CDKAL1: variants seen among roughly 807,000 people sequenced by gnomAD.
CDKAL1 encodes the protein CDKAL1 threonylcarbamoyladenosine tRNA methylthiotransferase.
Under a neutral mutation model 68.2 loss-of-function variants are expected in CDKAL1, and 32 were observed. The ratio of observed to expected loss-of-function variants is 0.47; its 90% confidence interval spans 0.35 to 0.63. CDKAL1 has a LOEUF of 0.63. Ranked by LOEUF, CDKAL1 falls within the 30% of genes least tolerant of loss-of-function variation. The pLI is 0.00. For missense variants in CDKAL1, 606 were observed against 696.7 expected, an observed-to-expected ratio of 0.87 and a Z score of 1.47; for synonymous variants, 234 against 244.3, an observed-to-expected ratio of 0.96 and a Z score of 0.39.
At chr6:20,821,905 A>G (rs1487794237) in intron 8 of CDKAL1, among the ~76,000 whole-genome samples, 9 of 152,208 alleles carry the variant, frequency 5.9e-5, no homozygotes, top group African/African-American at 2.4e-5. Flanking sequence ...TTACTCTTTC[A>G]TGGGAAAATA....
chr6:21,200,930 G>A (rs1051116139), intron 14 of CDKAL1, 180 bp from the exon 15 acceptor site: 5 of 477,976 alleles, frequency 1.0e-5, no homozygotes, highest in South Asian at 8.6e-5. Flanking sequence ...TATCAATTTG[G>A]GTTCATTAAT....
chr6:20,891,334 T>C (rs1002406779), intron 9 of CDKAL1, among the ~76,000 whole-genome samples: 5 of 152,172 alleles, frequency 3.3e-5, no homozygotes, highest in African/African-American at 7.2e-5. Context: ...GCTTGAGCTC[T>C]GACGTGATCA....
rs181424618 is a variant in CDKAL1 at position 21,155,166 on chromosome 6, G to A, written c.1300-42855G>A. On this transcript the variant is annotated intron_variant, in intron 13 of 15. Coordinates refer to ENST00000274695, the MANE Select transcript of CDKAL1 (RefSeq NM_017774.3). ...TCAGTTGTAAAAAATTTTATAATTCGATTCCTCAAAATCCTTTAGAAAACA... is the reference window on the plus strand; with the variant it reads ...TCAGTTGTAAAAAATTTTATAATTCAATTCCTCAAAATCCTTTAGAAAACA... 3.4e-3 allele frequency among the ~76,000 whole-genome samples: 524 copies of A among 152,124 alleles called. 1 individual carries two copies. Among genetic ancestry groups the A allele is most frequent in the Non-Finnish European group, 5.1e-3 (346 of 67,988 alleles).
chr6:20,707,235 G>T (rs1771641750), intron 5 of CDKAL1, among the ~76,000 whole-genome samples: 1 of 152,166 alleles, frequency 6.6e-6, no homozygotes, highest in Non-Finnish European at 1.5e-5. Context: ...CTGGCAAGTG[G>T]TCCCAGTGTT....
intron 9 of CDKAL1, among the ~76,000 whole-genome samples, chr6:20,863,527 CT>C (rs1460147789): frequency 4.6e-5 from 7 of 152,154 alleles, no homozygotes; most frequent in African/African-American, 1.7e-4. Context: ...AAAATGGAAA[CT>C]TCATCTTTTG....
chr6:20,536,658 A>G (rs761541643), intron 2 of CDKAL1, among the ~76,000 whole-genome samples: 13 of 152,306 alleles, frequency 8.5e-5, no homozygotes, highest in Admixed American at 2.6e-4. Context: ...GGTTTTACTC[A>G]AAATATCTGA....
At chr6:20,891,388 C>T (rs1317865942) in intron 9 of CDKAL1, among the ~76,000 whole-genome samples, 1 of 152,154 alleles carries the variant, frequency 6.6e-6, no homozygotes, top group East Asian at 1.9e-4. Context: ...CCTGTCCTTA[C>T]TGTGAGTTAA....
chr6:20,897,701 A>G (rs560210929), intron 9 of CDKAL1, among the ~76,000 whole-genome samples: 1 of 152,272 alleles, frequency 6.6e-6, no homozygotes, highest in African/African-American at 2.4e-5. Context: ...AAAAGACTGA[A>G]TTGAGATAAA....
intron 9 of CDKAL1, among the ~76,000 whole-genome samples, chr6:20,876,731 A>T (rs1478301377): frequency 6.6e-6 from 1 of 152,096 alleles, no homozygotes; most frequent in Non-Finnish European, 1.5e-5. Flanking sequence ...ATCATTAAAC[A>T]TTTTGTTTTC....
chr6:20,831,867 G>C (rs887408221), intron 8 of CDKAL1, among the ~76,000 whole-genome samples: 1 of 152,046 alleles, frequency 6.6e-6, no homozygotes, highest in Non-Finnish European at 1.5e-5. Context: ...TAGAATGGTC[G>C]ACGTTGAGTT....
At chr6:21,222,147 A>C (rs1202113323) in intron 15 of CDKAL1, among the ~76,000 whole-genome samples, 2 of 152,220 alleles carry the variant, frequency 1.3e-5, no homozygotes, top group African/African-American at 4.8e-5. Context: ...CTCTGCTGTC[A>C]CCAAAATAAG....
At chr6:21,051,486 C>T (rs1228517619) in intron 11 of CDKAL1, among the ~76,000 whole-genome samples, 1 of 152,126 alleles carries the variant, frequency 6.6e-6, no homozygotes, top group African/African-American at 2.4e-5. Flanking sequence ...AAGGACTACC[C>T]TGGGTAGTGA....
chr6:20,784,117 G>A (rs928518563), intron 8 of CDKAL1, among the ~76,000 whole-genome samples: 1 of 151,728 alleles, frequency 6.6e-6, no homozygotes, highest in African/African-American at 2.4e-5. Context: ...GGAAGCTGAG[G>A]CAGGGGAATC....
At chr6:20,604,746 T>C (rs1315597878) in intron 4 of CDKAL1, among the ~76,000 whole-genome samples, 1 of 152,202 alleles carries the variant, frequency 6.6e-6, no homozygotes, top group Non-Finnish European at 1.5e-5. Flanking sequence ...CATGAAAGGA[T>C]GGGGTTCTGT....
At chr6:21,170,477 C>T (rs1222830766) in intron 13 of CDKAL1, among the ~76,000 whole-genome samples, 2 of 151,902 alleles carry the variant, frequency 1.3e-5, no homozygotes, top group African/African-American at 4.8e-5. Context: ...TTACAGGTGC[C>T]TGCTACTGTG....
intron 12 of CDKAL1, among the ~76,000 whole-genome samples, chr6:21,093,156 C>A (rs1421423476): frequency 6.6e-6 from 1 of 152,100 alleles, no homozygotes; most frequent in Non-Finnish European, 1.5e-5. Context: ...GAAATGTAGA[C>A]CCATGCCAAG....
chr6:21,095,578 C>G (rs1348315694), intron 12 of CDKAL1, among the ~76,000 whole-genome samples: 1 of 150,818 alleles, frequency 6.6e-6, no homozygotes, highest in East Asian at 1.9e-4. Flanking sequence ...CCCAACCCCC[C>G]TCCTACCCCT....
At chr6:21,098,123 G>A (rs1052996257) in intron 12 of CDKAL1, among the ~76,000 whole-genome samples, 3 of 152,160 alleles carry the variant, frequency 2.0e-5, no homozygotes, top group Admixed American at 6.5e-5. Context: ...TAAATGTGTC[G>A]AATGAATATG....
intron 13 of CDKAL1, among the ~76,000 whole-genome samples, chr6:21,161,374 A>T (rs992818636): frequency 8.5e-5 from 13 of 152,320 alleles, no homozygotes; most frequent in African/African-American, 2.2e-4. Context: ...AAAATTATTT[A>T]TGCTATAGAA....
Sources: allele counts gnomAD v4.1 joint callset (sites outside exome capture counted in the v4.1 genomes callset), GRCh38; gene constraint gnomAD v4.1.1; transcripts MANE v1.5; gene names NCBI Gene and HGNC (gene_info 2026-07-23, HGNC 2026-07-21).